SLC30A10: variants seen among roughly 807,000 people sequenced by gnomAD.
The protein encoded by SLC30A10 is calcium/manganese antiporter SLC30A10.
SLC30A10 carries 8 observed loss-of-function variants against 21.7 expected under a neutral mutation model. That is an observed-to-expected ratio of 0.37 (90% CI 0.22 to 0.67). The LOEUF (loss-of-function observed/expected upper bound fraction) is 0.67. Ranked by LOEUF, SLC30A10 falls within the 30% of genes least tolerant of loss-of-function variation. The probability of loss-of-function intolerance (pLI) is 0.58; values close to 1 mark genes in which losing one functional copy is unlikely to be tolerated. For synonymous variants in SLC30A10, 272 were observed against 279.4 expected, an observed-to-expected ratio of 0.97 and a Z score of 0.26; for missense variants, 521 against 642.5, an observed-to-expected ratio of 0.81 and a Z score of 2.04.
chr1:219,955,433 C>T (rs540245842), intron 1 of SLC30A10, among the ~76,000 whole-genome samples: 1 of 152,290 alleles, frequency 6.6e-6, no homozygotes, highest in East Asian at 1.9e-4. Context: ...CTCATCTCAG[C>T]TAAATCTTCC....
intron 2 of SLC30A10, among the ~76,000 whole-genome samples, chr1:219,924,155 C>T (rs772823930): frequency 9.9e-5 from 15 of 152,212 alleles, no homozygotes; most frequent in Non-Finnish European, 1.6e-4. Context: ...TGTTTTTGTT[C>T]ACAGAGATCC....
chr1:219,929,488 G>A (rs74414277), upstream of SLC30A10, among the ~76,000 whole-genome samples: 1 of 151,646 alleles, frequency 6.6e-6, no homozygotes, highest in African/African-American at 2.4e-5. Context: ...CAGTACAATC[G>A]ACTGACCTAC....
In SLC30A10 at chr1:219,918,208, T is replaced by A; in HGVS notation, c.958+47A>T. ...AATAATGCTTGTCCTTTGGCCTGAA[T>A]AACATTAAATTGAGAGTGGTTCTGG... On this transcript the variant is annotated intron_variant, in intron 3 of 3. Coordinates refer to ENST00000366926, the MANE Select transcript of SLC30A10 (RefSeq NM_018713.3). This position sits in a 1 kb window ranked among gnomAD's most constrained non-coding sequence, Gnocchi z 4.4. 1.3e-6 allele frequency: 2 copies of A among 1,596,612 alleles called. No individual in the cohort carries two copies. The highest frequency in any genetic ancestry group is 2.2e-5 in the East Asian group (1 of 44,746).
At chr1:219,923,101 C>T (rs531585202) in intron 2 of SLC30A10, among the ~76,000 whole-genome samples, 2 of 152,258 alleles carry the variant, frequency 1.3e-5, no homozygotes, top group South Asian at 2.1e-4. Context: ...GTATTGGCAC[C>T]GGAACAGCAA....
In SLC30A10 at chr1:219,915,327, G is replaced by C. The variant is rs534088286; in HGVS notation, c.*122C>G. ...AAATCCCAAACAGCCAACCCCTAGTGAACACAGAGCATGCATGCTGCAAGT... is the reference window on the plus strand; with the variant it reads ...AAATCCCAAACAGCCAACCCCTAGTCAACACAGAGCATGCATGCTGCAAGT... On this transcript the variant is annotated 3_prime_UTR_variant, in exon 4 of 4. Coordinates refer to ENST00000366926, the MANE Select transcript of SLC30A10 (RefSeq NM_018713.3). 1 of 1,263,378 alleles carries C rather than the reference G, an allele frequency of 7.9e-7. No individual in the cohort carries two copies. Among genetic ancestry groups the C allele is most frequent in the Non-Finnish European group, 1.1e-6 (1 of 903,812 alleles). The allele number at this position is 1,263,378 out of a possible 1,614,324, so 78.3% of individuals were successfully genotyped here.
chr1:219,949,011 C>T (rs1428442405), intron 1 of SLC30A10, among the ~76,000 whole-genome samples: 3 of 151,296 alleles, frequency 2.0e-5, no homozygotes, highest in African/African-American at 7.3e-5. Flanking sequence ...TGAAAAAATG[C>T]TCACCATCAC....
In SLC30A10 at chr1:219,922,158, T is replaced by TTGTGTGTGTG. The variant is rs139669169; in HGVS notation, c.719-3674_719-3665dup. The stretch of plus-strand genomic sequence containing the variant: ...TAAAAGAATTTTTTTACCTTCTTGT[T>TTGTGTGTGTG]TGTGTGTGTGTGTGTGTGTTTTTTT... On this transcript the variant is annotated intron_variant, in intron 2 of 3. Coordinates refer to ENST00000366926, the MANE Select transcript of SLC30A10 (RefSeq NM_018713.3). Among the ~76,000 whole-genome samples the TTGTGTGTGTG allele has an allele frequency of 8.5e-3, 364 of 42,836 alleles. 52 individuals carry two copies. Among genetic ancestry groups the TTGTGTGTGTG allele is most frequent in the East Asian group, 0.016 (19 of 1,180 alleles). 28.1% of individuals were successfully genotyped at this position (42,836 alleles called of 152,430 possible).
Position 219,928,177 on chromosome 1 carries a change from G to A in SLC30A10, c.264C>T (p.Phe88=), listed in dbSNP as rs374519103. ...EVVGALSNAV[F]LTALCFTIFV... ...AGATGGTGAAGCAGAGCGCGGTGAG[G>A]AAGACCGCGTTGCTCAGCGCGCCCA... Residue 88 remains phenylalanine, a synonymous_variant, in exon 1 of 4, where the codon TTC becomes TTT. Coordinates refer to ENST00000366926, the MANE Select transcript of SLC30A10 (RefSeq NM_018713.3). This position sits in a 1 kb window ranked among gnomAD's most constrained non-coding sequence, Gnocchi z 6.3. 7.1e-6 allele frequency: 11 copies of A among 1,559,486 alleles called. No homozygotes were observed. Among genetic ancestry groups the A allele is most frequent in the African/African-American group, 2.7e-5 (2 of 73,534 alleles).
intron 1 of SLC30A10, among the ~76,000 whole-genome samples, chr1:219,939,595 G>A (rs370059011): frequency 3.2e-4 from 48 of 152,102 alleles, no homozygotes; most frequent in African/African-American, 1.1e-3. Context: ...GCGCCCAGCT[G>A]ATTTTTGTAT....
intron 1 of SLC30A10, among the ~76,000 whole-genome samples, chr1:219,954,332 C>T (rs754198045): frequency 2.0e-5 from 3 of 151,844 alleles, no homozygotes; most frequent in African/African-American, 4.8e-5. Context: ...ATGCCAGAAC[C>T]GTGATTATGA....
At position 219,912,184 on chromosome 1, in the gene SLC30A10, A is replaced by G. The variant is rs1659429086; in HGVS notation, c.*3265T>C. 8.8e-6 allele frequency among the ~76,000 whole-genome samples: 1 copy of G among 113,828 alleles called. No individual in the cohort carries two copies. Among genetic ancestry groups the G allele is most frequent in the African/African-American group, 3.1e-5 (1 of 32,534 alleles). 74.7% of individuals were successfully genotyped at this position (113,828 alleles called of 152,430 possible). On this transcript the variant is annotated 3_prime_UTR_variant, in exon 4 of 4. Coordinates refer to ENST00000366926, the MANE Select transcript of SLC30A10 (RefSeq NM_018713.3). The stretch of plus-strand genomic sequence containing the variant: ...TCTACCAATGGCAAAAAAAAAAAAA[A>G]AAAAAAAAAAAAGAACTAAATATGG...
At position 219,927,681 on chromosome 1, in the gene SLC30A10, A is replaced by C. The variant is rs71521198; in HGVS notation, c.640+120T>G. 0.035 allele frequency: 14,869 copies of C among 419,416 alleles called. 375 individuals are homozygous for C. The highest frequency in any genetic ancestry group is 0.072 in the East Asian group (1,122 of 15,552). 26.0% of individuals were successfully genotyped at this position (419,416 alleles called of 1,614,324 possible). ...AAAAAAAAAAAAACAACAACAACAA[A>C]AAAAAAAAAACAGAAAAAAAGCATG... On this transcript the variant is annotated intron_variant, in intron 1 of 3. Coordinates refer to ENST00000366926, the MANE Select transcript of SLC30A10 (RefSeq NM_018713.3).
chr1:219,916,475 G>A (rs893215446), intron 3 of SLC30A10, among the ~76,000 whole-genome samples: 5 of 152,180 alleles, frequency 3.3e-5, no homozygotes, highest in Non-Finnish European at 7.3e-5. Context: ...TTAAAAGTAA[G>A]TTGCATATTT....
At chr1:219,937,063 T>C (rs1558257852) in intron 1 of SLC30A10, among the ~76,000 whole-genome samples, 1 of 152,224 alleles carries the variant, frequency 6.6e-6, no homozygotes, top group Non-Finnish European at 1.5e-5. Context: ...CATATATATA[T>C]TTGTTAATGT....
chr1:219,944,477 C>T (rs906049970), intron 1 of SLC30A10, among the ~76,000 whole-genome samples: 1 of 148,382 alleles, frequency 6.7e-6, no homozygotes, highest in Non-Finnish European at 1.5e-5. Flanking sequence ...ACAAAACAAA[C>T]ACTAAATGGA....
intron 1 of SLC30A10, among the ~76,000 whole-genome samples, chr1:219,952,396 T>G (rs370310278): frequency 6.6e-6 from 1 of 152,238 alleles, no homozygotes; most frequent in African/African-American, 2.4e-5. Flanking sequence ...CAACTTATGG[T>G]ATGTTCATTT....
chr1:219,915,878 TC>T lies in SLC30A10; in HGVS notation c.1028del (p.Gly343GlufsTer36). Reference sequence around the variant, plus strand: ...TGATGTGCAGGGTGGCAATAATCTTTCCACTTACAAGTTCCCAGATGTGCAC... The same window carrying T: ...TGATGTGCAGGGTGGCAATAATCTTTCACTTACAAGTTCCCAGATGTGCAC... ...HEVHIWELVSGKIIATLHIKY... is the reference protein window; with the variant it reads ...HEVHIWELVSXKIIATLHIKY... On this transcript the variant is annotated frameshift_variant, in exon 4 of 4. Transcript: ENST00000366926. LOFTEE classifies it low-confidence loss of function (END_TRUNC). 1 of 1,614,210 alleles carries T rather than the reference TC, an allele frequency of 6.2e-7. No homozygotes were observed.
intron 1 of SLC30A10, among the ~76,000 whole-genome samples, chr1:219,939,824 G>A (rs1346512445): frequency 6.6e-6 from 1 of 152,182 alleles, no homozygotes. Context: ...CTTTAACCAT[G>A]GACCCATTCA....
chr1:219,915,541 C>T lies in SLC30A10; in HGVS notation c.1366G>A (p.Glu456Lys). The change falls in exon 4 of 4, where the codon GAA (glutamate) becomes AAA (lysine). Residue 456 changes from glutamate (E) to lysine (K), a missense_variant. By Grantham distance (56) the Glu-to-Lys change is moderately conservative. Transcript: ENST00000366926. ...CTCAGACAGCTATCCAAAGACACTT[C>T]AATAGCCACTTCTCTTGCGTCTCTT... is the stretch of plus-strand genomic sequence containing the variant. ...SRRDAREVAI[E>K]VSLDSCLSDH... is the part of the protein sequence containing the mutation. The T allele has an allele frequency of 6.2e-7, 1 of 1,614,250 alleles. No homozygotes were observed. The highest frequency in any genetic ancestry group is 1.1e-5 in the South Asian group (1 of 91,086).
Sources: gnomAD v4.1 joint callset for allele counts (sites outside exome capture counted in the v4.1 genomes callset) on GRCh38, gnomAD v4.1.1 for gene constraint, Gnocchi (gnomAD v3.1) non-coding constraint, MANE v1.5 for transcripts, NCBI Gene and HGNC (gene_info 2026-07-23, HGNC 2026-07-21) for gene names.